The following CATSPERE variants were observed in gnomAD, a reference collection of about 807,000 sequenced individuals.
CATSPERE encodes cation channel sperm-associated auxiliary subunit epsilon.
CATSPERE carries 93 observed loss-of-function variants against 114.1 expected under a neutral mutation model. The ratio of observed to expected loss-of-function variants is 0.81; its 90% CI spans 0.69 to 0.97. The LOEUF (loss-of-function observed/expected upper bound fraction) is 0.97. Ranked by LOEUF, CATSPERE falls within the 50% of genes least tolerant of loss-of-function variation. The pLI is 0.00. For synonymous variants in CATSPERE, 341 were observed against 384.1 expected (o/e 0.89, Z 1.31); for missense variants, 1,058 against 1,131.6 (o/e 0.93, Z 0.93).
At chr1:244,631,527 A>G (rs1206106311) in intron 20 of CATSPERE, among the ~76,000 whole-genome samples, 1 of 152,168 alleles carries the variant, frequency 6.6e-6, no homozygotes, top group Admixed American at 6.5e-5. Context: ...CAAGCCACAC[A>G]CTGGAAGAAA....
chr1:244,482,517 G>T (rs181051514), intron 5 of CATSPERE, among the ~76,000 whole-genome samples: 2 of 151,828 alleles, frequency 1.3e-5, no homozygotes, highest in African/African-American at 2.4e-5. Context: ...TAGGAGGTTC[G>T]CTTGAGCCCA....
rs779845621 is a variant in CATSPERE at position 244,605,693 on chromosome 1, A to C, written c.2304-2A>C. 1.9e-6 allele frequency: 3 copies of C among 1,596,080 alleles called. No individual in the cohort carries two copies. The highest frequency in any genetic ancestry group is 2.6e-6 in the Non-Finnish European group (3 of 1,164,622). The stretch of plus-strand genomic sequence containing the variant: ...TATCTTTCTGTTTGTTGTTTCTTTC[A>C]GATTTGATGATAATGGCTATGTTAA... On this transcript the variant is annotated splice_acceptor_variant, in intron 17 of 21. Transcript: ENST00000366534. LOFTEE classifies it high-confidence loss of function.
intron 2 of CATSPERE, among the ~76,000 whole-genome samples, chr1:244,477,100 A>G (rs1354955756): frequency 1.3e-5 from 2 of 152,106 alleles, no homozygotes; most frequent in African/African-American, 2.4e-5. Context: ...GGTTCAAGCG[A>G]TTCTCCTGCT....
intron 11 of CATSPERE, among the ~76,000 whole-genome samples, chr1:244,576,629 A>G (rs1349054858): frequency 2.0e-5 from 3 of 151,948 alleles, no homozygotes; most frequent in Non-Finnish European, 4.4e-5. Flanking sequence ...TATACTGTGT[A>G]TATTATTTTG....
rs1260600058 is a variant in CATSPERE at position 244,625,360 on chromosome 1, T to G, written c.2648+7674T>G. Among the ~76,000 whole-genome samples, 6 of 9,426 alleles carry G rather than the reference T, an allele frequency of 6.4e-4. No homozygotes were observed. The South Asian group carries it at 0.027, about 42-fold the overall frequency. 6.2% of individuals were successfully genotyped at this position (9,426 alleles called of 152,430 possible). On this transcript the variant is annotated intron_variant, in intron 20 of 21. Transcript: ENST00000366534. The stretch of plus-strand genomic sequence containing the variant: ...AGTAATATTTTGTTTTTTGGGGGGG[T>G]TTATTTATTTATTTTTTACTTTATT...
At chr1:244,617,755 G>A in intron 20 of CATSPERE, 69 bp downstream of exon 20, 1 of 1,271,566 alleles carries the variant, frequency 7.9e-7, no homozygotes, top group Non-Finnish European at 1.1e-6. Context: ...TTAATTTGAT[G>A]CATCCTATAC....
chr1:244,596,304 G>A (rs372126469), intron 17 of CATSPERE, among the ~76,000 whole-genome samples: 9 of 152,304 alleles, frequency 5.9e-5, no homozygotes, highest in Admixed American at 1.3e-4. Context: ...ATATTTATGA[G>A]TAGGTATAAA....
At chr1:244,507,689 C>A (rs568333382) in intron 7 of CATSPERE, among the ~76,000 whole-genome samples, 19 of 152,080 alleles carry the variant, frequency 1.2e-4, no homozygotes, top group Admixed American at 3.3e-4. Flanking sequence ...TAATTTCATC[C>A]TTCTGCATAT....
chr1:244,505,245 C>T (rs1029523813), intron 7 of CATSPERE, among the ~76,000 whole-genome samples: 9 of 152,136 alleles, frequency 5.9e-5, no homozygotes, highest in African/African-American at 1.9e-4. Flanking sequence ...CATCATAGCA[C>T]GTGCACCATC....
At chr1:244,465,408 T>C (rs543320499) in intron 2 of CATSPERE, among the ~76,000 whole-genome samples, 3 of 152,354 alleles carry the variant, frequency 2.0e-5, no homozygotes, top group African/African-American at 7.2e-5. Flanking sequence ...ATATTTCTTA[T>C]ATTTTTACCT....
intron 2 of CATSPERE, among the ~76,000 whole-genome samples, chr1:244,467,007 A>C (rs1256191769): frequency 6.6e-6 from 1 of 152,340 alleles, no homozygotes; most frequent in East Asian, 1.9e-4. Context: ...CAGCTCCTGC[A>C]ATCTAGGGAT....
chr1:244,466,968 G>A (rs528056323), intron 2 of CATSPERE, among the ~76,000 whole-genome samples: 23 of 152,250 alleles, frequency 1.5e-4, no homozygotes, highest in Admixed American at 4.6e-4. Context: ...ATTTTCAGTC[G>A]TTCAGAACCC....
chr1:244,461,063 C>G (rs1345902180), upstream of CATSPERE, among the ~76,000 whole-genome samples: 1 of 151,312 alleles, frequency 6.6e-6, no homozygotes. Context: ...CACATTCTTT[C>G]TGGCAAATTG....
At chr1:244,562,568 C>A (rs1572765464) in intron 10 of CATSPERE, among the ~76,000 whole-genome samples, 1 of 152,216 alleles carries the variant, frequency 6.6e-6, no homozygotes, top group South Asian at 2.1e-4. Context: ...GAAAATGTAT[C>A]ATTTTCATAG....
intron 11 of CATSPERE, among the ~76,000 whole-genome samples, chr1:244,576,453 A>G (rs193077201): frequency 4.0e-5 from 6 of 150,230 alleles, no homozygotes; most frequent in African/African-American, 1.5e-4. Flanking sequence ...TTCTGCAGAA[A>G]GGGTGCTCTC....
At chr1:244,470,835 AAATG>A (rs1184851302) in intron 2 of CATSPERE, among the ~76,000 whole-genome samples, 3 of 152,254 alleles carry the variant, frequency 2.0e-5, no homozygotes, top group East Asian at 3.8e-4. Flanking sequence ...TTGTCAATAA[AAATG>A]AATGAAGTAC....
intron 1 of CATSPERE, among the ~76,000 whole-genome samples, chr1:244,456,226 G>T (rs765296190): frequency 7.9e-5 from 12 of 152,010 alleles, no homozygotes; most frequent in Non-Finnish European, 1.6e-4. Context: ...CCGTCCTCTT[G>T]GGATCCAGGA....
chr1:244,591,822 C>A, intron 15 of CATSPERE, 91 bp downstream of exon 15: 1 of 789,444 alleles, frequency 1.3e-6, no homozygotes, highest in Non-Finnish European at 2.1e-6. Context: ...TTATTATTAG[C>A]ATCCATGTGT....
chr1:244,541,854 G>A (rs3124052), intron 8 of CATSPERE, among the ~76,000 whole-genome samples: 1 of 127,914 alleles, frequency 7.8e-6, no homozygotes, highest in Non-Finnish European at 1.7e-5. Context: ...CATGTCCTTT[G>A]TAGGGACATG....
Sources: gnomAD v4.1 joint callset for allele counts (sites outside exome capture counted in the v4.1 genomes callset) on GRCh38, gnomAD v4.1.1 for gene constraint, MANE v1.5 for transcripts, NCBI Gene and HGNC (gene_info 2026-07-23, HGNC 2026-07-21) for gene names.